Variants in TAFA1 observed in about 807,000 individuals in gnomAD.
TAFA1 encodes chemokine-like protein TAFA-1.
Under a neutral mutation model 18.5 loss-of-function variants are expected in TAFA1, and 4 were observed. The observed-to-expected ratio is 0.22, with a 90% confidence interval of 0.11 to 0.49. The LOEUF is 0.49. Ranked by LOEUF, TAFA1 falls within the 20% of genes least tolerant of loss-of-function variation. TAFA1 has a pLI of 0.98. For synonymous variants in TAFA1, 56 were observed against 55.2 expected, an observed-to-expected ratio of 1.01 and a Z score of -0.06; for missense variants, 147 against 169.0, an observed-to-expected ratio of 0.87 and a Z score of 0.72.
chr3:68,024,383 C>G (rs992686133), intron 2 of TAFA1, among the ~76,000 whole-genome samples: 1 of 152,230 alleles, frequency 6.6e-6, no homozygotes, highest in African/African-American at 2.4e-5. Flanking sequence ...TCAAACCCTA[C>G]GAGTATGGCA....
chr3:68,021,340 C>T (rs1262956204), intron 2 of TAFA1, among the ~76,000 whole-genome samples: 1 of 151,952 alleles, frequency 6.6e-6, no homozygotes, highest in East Asian at 1.9e-4. Flanking sequence ...GTTTTGTGAC[C>T]CTCAGACTGG....
intron 2 of TAFA1, among the ~76,000 whole-genome samples, chr3:68,367,159 G>T (rs887841577): frequency 4.6e-5 from 7 of 152,160 alleles, no homozygotes; most frequent in Admixed American, 3.9e-4. Context: ...AAATGATGAG[G>T]TTGCCTATTT....
intron 2 of TAFA1, among the ~76,000 whole-genome samples, chr3:68,047,399 G>T (rs1348171719): frequency 6.6e-6 from 1 of 152,170 alleles, no homozygotes. Flanking sequence ...ACCACAAAGG[G>T]ATGGCATAGC....
At chr3:68,509,078 C>T (rs190525078) in intron 3 of TAFA1, among the ~76,000 whole-genome samples, 1 of 152,156 alleles carries the variant, frequency 6.6e-6, no homozygotes, top group African/African-American at 2.4e-5. Flanking sequence ...GCACCATTGT[C>T]AATCTCCAGT....
chr3:68,144,855 A>G, intron 2 of TAFA1: 1 of 615,060 alleles, frequency 1.6e-6, no homozygotes, highest in Non-Finnish European at 2.9e-6. Context: ...TAACCTGAGC[A>G]CAATGTCTTT....
intron 3 of TAFA1, among the ~76,000 whole-genome samples, chr3:68,462,711 G>C (rs997114899): frequency 6.6e-6 from 1 of 152,102 alleles, no homozygotes; most frequent in Non-Finnish European, 1.5e-5. Context: ...AGAGTAAACT[G>C]ATAATTTTAG....
chr3:68,062,114 C>A (rs959573270), intron 2 of TAFA1, among the ~76,000 whole-genome samples: 3 of 152,134 alleles, frequency 2.0e-5, no homozygotes, highest in African/African-American at 7.2e-5. Flanking sequence ...TAGTGACTAT[C>A]ACTTATTTTT....
At chr3:68,097,206 T>C (rs2065096331) in intron 2 of TAFA1, among the ~76,000 whole-genome samples, 1 of 152,018 alleles carries the variant, frequency 6.6e-6, no homozygotes, top group African/African-American at 2.4e-5. Context: ...TGGGGTTGGG[T>C]TTCACTTGAT....
chr3:68,306,737 G>A (rs2068430006), intron 2 of TAFA1, among the ~76,000 whole-genome samples: 1 of 151,976 alleles, frequency 6.6e-6, no homozygotes, highest in Non-Finnish European at 1.5e-5. Flanking sequence ...GTCTCCTGTG[G>A]GTAAGCCACC....
At chr3:67,999,604 G>C (rs1167674533), upstream of TAFA1, among the ~76,000 whole-genome samples, 1 of 151,888 alleles carries the variant, frequency 6.6e-6, no homozygotes, top group Non-Finnish European at 1.5e-5. Context: ...GATCATATTG[G>C]ATATCAAATA....
chr3:68,164,552 C>T (rs2065960873), intron 2 of TAFA1, among the ~76,000 whole-genome samples: 1 of 151,746 alleles, frequency 6.6e-6, no homozygotes, highest in South Asian at 2.1e-4. Context: ...TGCATTCTCC[C>T]TCCCATTTTT....
intron 2 of TAFA1, among the ~76,000 whole-genome samples, chr3:68,292,166 A>G (rs1022803294): frequency 3.3e-5 from 5 of 152,158 alleles, no homozygotes; most frequent in Non-Finnish European, 5.9e-5. Context: ...AAGCATATTT[A>G]GAACATTTAG....
intron 2 of TAFA1, among the ~76,000 whole-genome samples, chr3:68,147,434 G>A (rs1471100347): frequency 1.3e-5 from 2 of 151,740 alleles, no homozygotes; most frequent in Non-Finnish European, 2.9e-5. Context: ...TCTGCCTCTT[G>A]TCCAGCCTAG....
At chr3:68,241,300 G>T (rs952176405) in intron 2 of TAFA1, among the ~76,000 whole-genome samples, 1 of 152,104 alleles carries the variant, frequency 6.6e-6, no homozygotes, top group Admixed American at 6.6e-5. Context: ...AGAAGGAAAA[G>T]AATGCAGCAT....
intron 2 of TAFA1, among the ~76,000 whole-genome samples, chr3:68,171,809 A>C (rs1046356518): frequency 6.6e-6 from 1 of 152,186 alleles, no homozygotes; most frequent in Non-Finnish European, 1.5e-5. Context: ...AATGAAAAAA[A>C]AATCAATGGC....
chr3:68,315,365 G>C (rs1177409755), intron 2 of TAFA1, among the ~76,000 whole-genome samples: 1 of 152,132 alleles, frequency 6.6e-6, no homozygotes, highest in Non-Finnish European at 1.5e-5. Context: ...CTTGCTTTGG[G>C]AATGGCCGTT....
At chr3:68,089,670 T>C (rs1483044305) in intron 2 of TAFA1, among the ~76,000 whole-genome samples, 1 of 152,154 alleles carries the variant, frequency 6.6e-6, no homozygotes, top group Non-Finnish European at 1.5e-5. Flanking sequence ...ATCTTTGTGG[T>C]TGAAATGTGG....
chr3:68,302,036 A>T (rs1559607088), intron 2 of TAFA1, among the ~76,000 whole-genome samples: 1 of 152,116 alleles, frequency 6.6e-6, no homozygotes, highest in East Asian at 1.9e-4. Flanking sequence ...ATATCATGTT[A>T]TTTTAGCTTT....
intron 2 of TAFA1, among the ~76,000 whole-genome samples, chr3:68,383,128 T>C (rs796276589): frequency 9.2e-5 from 14 of 152,228 alleles, no homozygotes; most frequent in African/African-American, 3.1e-4. Flanking sequence ...TTTCTAGATA[T>C]AGGATCATGT....
Sources: gnomAD v4.1 joint callset for allele counts (sites outside exome capture counted in the v4.1 genomes callset) on GRCh38, gnomAD v4.1.1 for gene constraint, MANE v1.5 for transcripts, NCBI Gene and HGNC (gene_info 2026-07-23, HGNC 2026-07-21) for gene names.